Variants in AP1S3 observed in about 807,000 individuals in gnomAD.
AP1S3 encodes adaptor related protein complex 1 subunit sigma 3.
AP1S3 carries 10 observed loss-of-function variants against 20.9 expected under a neutral mutation model. That is an observed-to-expected ratio of 0.48 (90% CI 0.29 to 0.81). The LOEUF (loss-of-function observed/expected upper bound fraction) is 0.81, where lower values mean the gene tolerates loss of function less well. Among genes scored for constraint, AP1S3 ranks in the 30% least tolerant of loss-of-function variants. AP1S3 has a pLI of 0.08. For missense variants in AP1S3, 154 were observed against 183.8 expected, an observed-to-expected ratio of 0.84 and a Z score of 0.94; for synonymous variants, 41 against 61.5, an observed-to-expected ratio of 0.67 and a Z score of 1.56.
At chr2:223,772,026 G>A (rs1323687215) in intron 3 of AP1S3, among the ~76,000 whole-genome samples, 1 of 152,206 alleles carries the variant, frequency 6.6e-6, no homozygotes, top group Non-Finnish European at 1.5e-5. Flanking sequence ...AGAATCGCTT[G>A]AACCCGGGAG....
intron 3 of AP1S3, among the ~76,000 whole-genome samples, chr2:223,769,694 A>G (rs1437731318): frequency 6.6e-6 from 1 of 151,654 alleles, no homozygotes; most frequent in Non-Finnish European, 1.5e-5. Context: ...TGTAAGGAGG[A>G]AAAAAAAGAA....
chr2:223,822,383 A>T (rs1212771182), intron 1 of AP1S3, among the ~76,000 whole-genome samples: 1 of 147,000 alleles, frequency 6.8e-6, no homozygotes, highest in Non-Finnish European at 1.5e-5. Context: ...ATCCTGTCTT[A>T]AAAAAAAAAA....
chr2:223,819,960 C>T (rs1256396897), intron 1 of AP1S3, among the ~76,000 whole-genome samples: 1 of 149,318 alleles, frequency 6.7e-6, no homozygotes, highest in Non-Finnish European at 1.5e-5. Flanking sequence ...GTAACACTTG[C>T]TAGATTTCGT....
In AP1S3 at chr2:223,832,135, C is replaced by CTCTGTG. The variant is rs1327430961; in HGVS notation, c.3+5312_3+5313insCACAGA. Among the ~76,000 whole-genome samples the CTCTGTG allele has an allele frequency of 2.3e-3, 160 of 70,764 alleles. 2 individuals carry two copies. The highest frequency in any genetic ancestry group is 5.1e-3 in the African/African-American group (122 of 23,924). The allele number at this position is 70,764 out of a possible 152,430, so 46.4% of individuals were successfully genotyped here. ...GGGGATTATTAAAGGAGTTTTCTCT[C>CTCTGTG]TGTGTGTGTGTGTGTGTGTGTGTGT... On this transcript the variant is annotated intron_variant, in intron 1 of 4. Coordinates refer to ENST00000396654, the MANE Select transcript of AP1S3 (RefSeq NM_001039569.2).
intron 1 of AP1S3, among the ~76,000 whole-genome samples, chr2:223,801,731 A>G (rs7584689): frequency 0.41 from 62,202 of 151,946 alleles, 12,916 homozygotes; most frequent in Middle Eastern, 0.48. Flanking sequence ...GGCGTGAGCC[A>G]CTGCACCCGG....
At chr2:223,762,815 T>C (rs1690392230) in intron 4 of AP1S3, among the ~76,000 whole-genome samples, 1 of 152,092 alleles carries the variant, frequency 6.6e-6, no homozygotes, top group East Asian at 1.9e-4. Context: ...AAGTAGGAGC[T>C]AGAGAAAAGT....
chr2:223,773,968 C>T (rs10933017), intron 3 of AP1S3, among the ~76,000 whole-genome samples: 99,126 of 152,086 alleles, frequency 0.65, 33,049 homozygotes, highest in East Asian at 0.81. Flanking sequence ...TCACAAAGCA[C>T]TGGTCTCAAG....
intron 1 of AP1S3, 74 bp downstream of exon 1, chr2:223,837,374 G>A (rs1165147617): frequency 1.9e-5 from 15 of 773,730 alleles, no homozygotes; most frequent in Non-Finnish European, 6.8e-6. Flanking sequence ...CGCCCGGCCC[G>A]GACGCCCCAG....
At chr2:223,762,699 G>A (rs993788745) in intron 4 of AP1S3, among the ~76,000 whole-genome samples, 4 of 152,066 alleles carry the variant, frequency 2.6e-5, no homozygotes, top group Non-Finnish European at 1.5e-5. Flanking sequence ...GCCACCACAC[G>A]CTCAGAATAA....
intron 1 of AP1S3, among the ~76,000 whole-genome samples, chr2:223,834,058 G>A (rs770755622): frequency 3.7e-4 from 56 of 152,144 alleles, no homozygotes; most frequent in South Asian, 1.9e-3. Context: ...ATAGGCATGC[G>A]CCACCACACC....
At position 223,775,719 on chromosome 2, in the gene AP1S3, A is replaced by C. The variant is rs1167089850; in HGVS notation, c.291+182T>G. Among the ~76,000 whole-genome samples, 79 of 152,182 alleles carry C rather than the reference A, an allele frequency of 5.2e-4. 2 individuals carry two copies. Among genetic ancestry groups the C allele is most frequent in the Admixed American group, 5.1e-3 (78 of 15,272 alleles). ...AAAGCTTTGGGTCTTTCATTTACTA[A>C]GAATTATAGGTAGGGAGAAAAATCT... is the stretch of plus-strand genomic sequence containing the variant. On this transcript the variant is annotated intron_variant, in intron 3 of 4. Coordinates refer to ENST00000396654, the MANE Select transcript of AP1S3 (RefSeq NM_001039569.2).
At chr2:223,837,236 G>A (rs1442705900) in intron 1 of AP1S3, among the ~76,000 whole-genome samples, 5 of 151,436 alleles carry the variant, frequency 3.3e-5, no homozygotes, top group Non-Finnish European at 7.4e-5. Context: ...GCGCCGCGGC[G>A]CCGCGTTGCC....
intron 1 of AP1S3, among the ~76,000 whole-genome samples, chr2:223,823,854 G>A (rs1692054389): frequency 6.6e-6 from 1 of 152,138 alleles, no homozygotes; most frequent in Non-Finnish European, 1.5e-5. Flanking sequence ...GTTGTACGGT[G>A]TAAATTTATA....
intron 1 of AP1S3, among the ~76,000 whole-genome samples, chr2:223,820,533 T>C (rs1306875207): frequency 6.8e-6 from 1 of 147,070 alleles, no homozygotes; most frequent in East Asian, 1.9e-4. Flanking sequence ...TATGTGTACA[T>C]ACTATCCCTA....
At chr2:223,793,248 T>C (rs1348690150) in intron 1 of AP1S3, among the ~76,000 whole-genome samples, 1 of 152,166 alleles carries the variant, frequency 6.6e-6, no homozygotes, top group Non-Finnish European at 1.5e-5. Flanking sequence ...ATATAAATCA[T>C]TCTATTATAA....
At chr2:223,760,621 T>C (rs974330321) in intron 4 of AP1S3, among the ~76,000 whole-genome samples, 2 of 152,248 alleles carry the variant, frequency 1.3e-5, no homozygotes, top group South Asian at 4.2e-4. Flanking sequence ...ATACAGGCCA[T>C]TGGGCCATGC....
chr2:223,772,447 T>C lies in AP1S3; in HGVS notation c.291+3454A>G, dbSNP rs377241214. ...TCAAAAGCTCTCTGGGAGATCAACA[T>C]CCTCACACACTGAGGCACCAGTAAA... On this transcript the variant is annotated intron_variant, in intron 3 of 4. Coordinates refer to ENST00000396654, the MANE Select transcript of AP1S3 (RefSeq NM_001039569.2). Among the ~76,000 whole-genome samples, 9 of 152,212 alleles carry C rather than the reference T, an allele frequency of 5.9e-5. No individual in the cohort carries two copies. In the East Asian group the frequency reaches 1.7e-3, roughly 29 times the overall value.
chr2:223,836,925 C>G (rs1692415194), intron 1 of AP1S3, among the ~76,000 whole-genome samples: 2 of 152,110 alleles, frequency 1.3e-5, no homozygotes, highest in South Asian at 4.1e-4. Context: ...CCACCTGTAG[C>G]GCCCCTCCAG....
chr2:223,810,259 CAG>C (rs752075477), intron 1 of AP1S3, among the ~76,000 whole-genome samples: 2 of 152,032 alleles, frequency 1.3e-5, no homozygotes, highest in South Asian at 2.1e-4. Flanking sequence ...TAATATATGA[CAG>C]GGGAAAATAA....
Sources: gnomAD v4.1 joint callset for allele counts (sites outside exome capture counted in the v4.1 genomes callset) on GRCh38, gnomAD v4.1.1 for gene constraint, MANE v1.5 for transcripts, NCBI Gene and HGNC (gene_info 2026-07-23, HGNC 2026-07-21) for gene names.